FSTL4: variants seen among roughly 807,000 people sequenced by gnomAD.
The protein encoded by FSTL4 is follistatin like 4.
A neutral mutation model predicts 78.2 loss-of-function variants in FSTL4; 28 were observed. The observed-to-expected ratio is 0.36, with a 90% CI of 0.27 to 0.49. FSTL4 has a LOEUF of 0.49. Ranked by LOEUF, FSTL4 falls within the 20% of genes least tolerant of loss-of-function variation. The pLI, the probability that FSTL4 is intolerant of heterozygous loss-of-function variation, is 0.98. For synonymous variants in FSTL4, 422 were observed against 440.5 expected, an observed-to-expected ratio of 0.96 and a Z score of 0.53; for missense variants, 922 against 1,084.9, an observed-to-expected ratio of 0.85 and a Z score of 2.11.
intron 7 of FSTL4, among the ~76,000 whole-genome samples, chr5:133,237,152 CA>C (rs1042535012): frequency 2.0e-5 from 3 of 152,170 alleles, no homozygotes; most frequent in African/African-American, 7.2e-5. Flanking sequence ...GCGGGAGGAG[CA>C]GAGCACTGGT....
chr5:133,752,619 A>AAATTAAATTAAATT, the FSTL4 span, among the ~76,000 whole-genome samples: 2 of 150,606 alleles, frequency 1.3e-5, no homozygotes, highest in African/African-American at 5.0e-5. Context: ...CAAATAAAAT[A>AAATTAAATTAAATT]AAATAAAATT....
intron 4 of FSTL4, among the ~76,000 whole-genome samples, chr5:133,375,479 T>G (rs1755413971): frequency 6.6e-6 from 1 of 151,908 alleles, no homozygotes; most frequent in Admixed American, 6.6e-5. Context: ...CAACAGCAGT[T>G]ACTTTTAAAG....
chr5:133,700,161 C>T, the FSTL4 span, among the ~76,000 whole-genome samples: 1 of 151,960 alleles, frequency 6.6e-6, no homozygotes, highest in Admixed American at 6.6e-5. Context: ...AACCACCACA[C>T]TGAACCACCA....
intron 1 of FSTL4, among the ~76,000 whole-genome samples, chr5:133,605,858 A>AG (rs948348231): frequency 2.0e-5 from 3 of 152,154 alleles, no homozygotes; most frequent in Admixed American, 2.0e-4. Context: ...TATAATCTGA[A>AG]GGTCACAGTC....
At chr5:133,833,584 A>T in the FSTL4 span, among the ~76,000 whole-genome samples, 6 of 152,286 alleles carry the variant, frequency 3.9e-5, no homozygotes, top group African/African-American at 1.4e-4. Flanking sequence ...CTCATCAGTG[A>T]CACTGACCGT....
chr5:133,833,626 C>T, the FSTL4 span, among the ~76,000 whole-genome samples: 4 of 152,152 alleles, frequency 2.6e-5, no homozygotes, highest in Non-Finnish European at 5.9e-5. Flanking sequence ...CCAACCTTTC[C>T]GTCTTTAACC....
At chr5:133,231,019 C>T (rs1032306967) in intron 8 of FSTL4, among the ~76,000 whole-genome samples, 1 of 152,052 alleles carries the variant, frequency 6.6e-6, no homozygotes, top group African/African-American at 2.4e-5. Context: ...CCTGGGCCCA[C>T]GTTGCCACTT....
the FSTL4 span, among the ~76,000 whole-genome samples, chr5:133,702,002 G>T: frequency 6.6e-6 from 1 of 152,084 alleles, no homozygotes; most frequent in Admixed American, 6.6e-5. Context: ...ATACCAATCT[G>T]CTCCCTTGAC....
At chr5:133,799,139 G>C in the FSTL4 span, among the ~76,000 whole-genome samples, 2 of 137,270 alleles carry the variant, frequency 1.5e-5, no homozygotes, top group African/African-American at 5.4e-5. Context: ...CGAGACACCA[G>C]CTTCCCTGGG....
chr5:133,502,977 A>T (rs1481210857), intron 3 of FSTL4, among the ~76,000 whole-genome samples: 2 of 152,210 alleles, frequency 1.3e-5, no homozygotes, highest in African/African-American at 4.8e-5. Flanking sequence ...TAATCTCCAG[A>T]AACTTTAAGA....
chr5:133,255,890 A>G (rs892735552), intron 6 of FSTL4, among the ~76,000 whole-genome samples: 13 of 152,152 alleles, frequency 8.5e-5, no homozygotes, highest in African/African-American at 2.9e-4. Flanking sequence ...TATTTCTCAC[A>G]CTGACTTGAA....
intron 2 of FSTL4, among the ~76,000 whole-genome samples, chr5:133,601,416 A>G (rs2112977291): frequency 6.6e-6 from 1 of 152,332 alleles, no homozygotes; most frequent in Admixed American, 6.5e-5. Context: ...AAAAGAGACC[A>G]GGTGTGACCA....
chr5:133,449,938 G>A (rs1379362071), intron 3 of FSTL4, among the ~76,000 whole-genome samples: 1 of 152,140 alleles, frequency 6.6e-6, no homozygotes, highest in African/African-American at 2.4e-5. Context: ...CCTTTACTGG[G>A]GACACACTGT....
the FSTL4 span, among the ~76,000 whole-genome samples, chr5:133,761,280 A>T: frequency 6.6e-6 from 1 of 152,340 alleles, no homozygotes; most frequent in South Asian, 2.1e-4. Context: ...AGAAGCCTAC[A>T]TTGAAATTTC....
At chr5:133,373,804 C>T (rs1046250370) in intron 4 of FSTL4, among the ~76,000 whole-genome samples, 2 of 152,132 alleles carry the variant, frequency 1.3e-5, no homozygotes, top group African/African-American at 2.4e-5. Flanking sequence ...AGCAATGGTC[C>T]CCAAAATCTC....
chr5:133,621,838 A>C, the FSTL4 span, among the ~76,000 whole-genome samples: 1 of 152,216 alleles, frequency 6.6e-6, no homozygotes. Flanking sequence ...TAATTTTGAA[A>C]TAATTCTAGA....
chr5:133,715,089 T>C, the FSTL4 span, among the ~76,000 whole-genome samples: 2 of 152,342 alleles, frequency 1.3e-5, no homozygotes, highest in East Asian at 1.9e-4. Context: ...GAAAATTTTG[T>C]CCTGAACTGA....
chr5:133,830,134 A>G, the FSTL4 span, among the ~76,000 whole-genome samples: 1 of 152,224 alleles, frequency 6.6e-6, no homozygotes, highest in Non-Finnish European at 1.5e-5. Flanking sequence ...CAAATGGGCT[A>G]ATGAGATAGT....
At chr5:133,783,566 T>C in the FSTL4 span, among the ~76,000 whole-genome samples, 23 of 152,362 alleles carry the variant, frequency 1.5e-4, no homozygotes, top group South Asian at 4.4e-3. Context: ...TTGCCTCATC[T>C]GAGCTCCAGG....
Sources: allele counts gnomAD v4.1 joint callset (sites outside exome capture counted in the v4.1 genomes callset), GRCh38; gene constraint gnomAD v4.1.1; transcripts MANE v1.5; gene names NCBI Gene and HGNC (gene_info 2026-07-23, HGNC 2026-07-21).